The following ADAMTSL1 variants were observed in gnomAD, a reference collection of about 807,000 sequenced individuals.
The protein encoded by ADAMTSL1 is ADAMTS-like protein 1.
In ADAMTSL1, 126 loss-of-function variants were observed where a neutral mutation model predicts 201.8. The ratio of observed to expected loss-of-function variants is 0.62; its 90% CI spans 0.54 to 0.72. The LOEUF (loss-of-function observed/expected upper bound fraction) is 0.72. Ranked by LOEUF, ADAMTSL1 falls within the 30% of genes least tolerant of loss-of-function variation. ADAMTSL1 has a pLI of 0.00. For synonymous variants in ADAMTSL1, 1,121 were observed against 903.4 expected (o/e 1.24, Z -4.32); for missense variants, 2,679 against 2,277.8 (o/e 1.18, Z -3.59).
intron 3 of ADAMTSL1, among the ~76,000 whole-genome samples, chr9:18,559,593 T>C (rs1031419629): frequency 5.9e-5 from 9 of 152,236 alleles, no homozygotes; most frequent in Admixed American, 5.2e-4. Flanking sequence ...ATAAATAACT[T>C]TGGGCATGAT....
chr9:18,313,341 C>G (rs767409630), intron 2 of ADAMTSL1, among the ~76,000 whole-genome samples: 5 of 152,240 alleles, frequency 3.3e-5, no homozygotes, highest in Middle Eastern at 3.4e-3. Context: ...AGGTGATTCA[C>G]TGGGAAAAAT....
chr9:18,368,877 C>T (rs1200751054), intron 2 of ADAMTSL1, among the ~76,000 whole-genome samples: 1 of 152,006 alleles, frequency 6.6e-6, no homozygotes, highest in Non-Finnish European at 1.5e-5. Flanking sequence ...CTATTTTCTC[C>T]AGGATTTTGT....
At chr9:18,694,837 G>A (rs1487882094) in intron 13 of ADAMTSL1, among the ~76,000 whole-genome samples, 1 of 152,210 alleles carries the variant, frequency 6.6e-6, no homozygotes, top group Non-Finnish European at 1.5e-5. Context: ...CATCCATACT[G>A]TTCTAGTAGA....
intron 15 of ADAMTSL1, among the ~76,000 whole-genome samples, chr9:18,752,517 T>A (rs924213707): frequency 8.5e-5 from 13 of 152,232 alleles, no homozygotes; most frequent in African/African-American, 3.1e-4. Context: ...TTTGTCCTTA[T>A]CATTCCCAGT....
intron 2 of ADAMTSL1, among the ~76,000 whole-genome samples, chr9:18,303,936 TG>T (rs1833803089): frequency 6.6e-6 from 1 of 152,166 alleles, no homozygotes; most frequent in African/African-American, 2.4e-5. Context: ...GAGGCCTTTT[TG>T]GGTAGATCAG....
At chr9:18,893,694 G>A (rs1310716699) in intron 26 of ADAMTSL1, among the ~76,000 whole-genome samples, 1 of 152,156 alleles carries the variant, frequency 6.6e-6, no homozygotes, top group East Asian at 1.9e-4. Context: ...TCCTGTTGAT[G>A]TTTTTCTGCT....
At chr9:17,918,638 A>G (rs1826193912) in intron 1 of ADAMTSL1, among the ~76,000 whole-genome samples, 1 of 151,346 alleles carries the variant, frequency 6.6e-6, no homozygotes, top group Non-Finnish European at 1.5e-5. Flanking sequence ...TTTTTTCCCG[A>G]TCAGTTTTGC....
intron 2 of ADAMTSL1, among the ~76,000 whole-genome samples, chr9:18,463,557 C>T (rs1182188903): frequency 2.0e-5 from 3 of 152,154 alleles, no homozygotes; most frequent in Non-Finnish European, 2.9e-5. Context: ...TCCCCCTTCC[C>T]TCAGGCTCCT....
At chr9:18,025,911 T>C (rs1389245516) in intron 1 of ADAMTSL1, among the ~76,000 whole-genome samples, 2 of 152,178 alleles carry the variant, frequency 1.3e-5, no homozygotes, top group African/African-American at 4.8e-5. Flanking sequence ...CATTTGTTTG[T>C]GTCACCTATG....
chr9:18,199,877 C>G (rs1829361156), intron 2 of ADAMTSL1, among the ~76,000 whole-genome samples: 1 of 146,762 alleles, frequency 6.8e-6, no homozygotes, highest in African/African-American at 2.5e-5. Flanking sequence ...ACAAATGGTT[C>G]ATAAACTTGC....
At chr9:18,223,208 A>G (rs1451205825) in intron 2 of ADAMTSL1, among the ~76,000 whole-genome samples, 1 of 152,108 alleles carries the variant, frequency 6.6e-6, no homozygotes, top group Non-Finnish European at 1.5e-5. Context: ...CCAAAATCTG[A>G]AATTTTTTGA....
At position 18,574,216 on chromosome 9, in the gene ADAMTSL1, A is replaced by G; in HGVS notation, c.424A>G (p.Thr142Ala). Reference sequence around the variant, plus strand: ...ACTAGCACCTAAGGTCTTAGATGGTACGCGTTGCTATACAGAATCTTTGGA... The same window carrying G: ...ACTAGCACCTAAGGTCTTAGATGGTGCGCGTTGCTATACAGAATCTTTGGA... ...VELAPKVLDG[T>A]RCYTESLDMC... Residue 142 changes from threonine to alanine, a missense_variant, in exon 4 of 29, where the codon ACG (threonine) becomes GCG (alanine). Coordinates refer to ENST00000380548, the MANE Select transcript of ADAMTSL1 (RefSeq NM_001040272.6). 6.2e-7 allele frequency: 1 copy of G among 1,614,190 alleles called. No individual in the cohort carries two copies. Among genetic ancestry groups the G allele is most frequent in the Non-Finnish European group, 8.5e-7 (1 of 1,180,018 alleles).
chr9:18,636,988 G>A (rs17229989), intron 6 of ADAMTSL1, among the ~76,000 whole-genome samples: 24,142 of 151,958 alleles, frequency 0.16, 2,010 homozygotes, highest in Middle Eastern at 0.19. Context: ...ATGAAATCAC[G>A]CTAAAAAGGC....
chr9:18,503,373 C>G (rs1221991170), intron 1 of ADAMTSL1, among the ~76,000 whole-genome samples: 5 of 142,070 alleles, frequency 3.5e-5, no homozygotes, highest in Non-Finnish European at 7.6e-5. Context: ...CATGTTGAAC[C>G]TGCATCTAAA....
chr9:18,772,083 T>C (rs1820724976), intron 17 of ADAMTSL1, among the ~76,000 whole-genome samples: 1 of 152,220 alleles, frequency 6.6e-6, no homozygotes, highest in African/African-American at 2.4e-5. Context: ...TGAGCATGTG[T>C]ACATTTGTGT....
At chr9:18,042,412 T>C (rs929482043) in intron 1 of ADAMTSL1, among the ~76,000 whole-genome samples, 4 of 152,138 alleles carry the variant, frequency 2.6e-5, no homozygotes, top group African/African-American at 9.7e-5. Context: ...ACTATCTCAT[T>C]AAATCCTCAT....
intron 2 of ADAMTSL1, among the ~76,000 whole-genome samples, chr9:18,210,468 A>T (rs1259616810): frequency 6.8e-6 from 1 of 147,104 alleles, no homozygotes; most frequent in Non-Finnish European, 1.5e-5. Context: ...TATATTAATT[A>T]TATATGATAT....
At chr9:18,437,862 G>T (rs1819809275) in intron 2 of ADAMTSL1, among the ~76,000 whole-genome samples, 1 of 152,122 alleles carries the variant, frequency 6.6e-6, no homozygotes, top group Admixed American at 6.5e-5. Context: ...ACTGAAAGTT[G>T]CCACTAAATC....
chr9:18,254,518 A>T (rs1385921346), intron 2 of ADAMTSL1, among the ~76,000 whole-genome samples: 3 of 150,392 alleles, frequency 2.0e-5, no homozygotes, highest in African/African-American at 4.9e-5. Flanking sequence ...TCCCGCCACC[A>T]CGCCCGGCTA....
Sources: gnomAD v4.1 joint callset for allele counts (sites outside exome capture counted in the v4.1 genomes callset) on GRCh38, gnomAD v4.1.1 for gene constraint, MANE v1.5 for transcripts, NCBI Gene and HGNC (gene_info 2026-07-23, HGNC 2026-07-21) for gene names.